Variants in PRKDC observed in about 807,000 individuals in gnomAD.
The protein encoded by PRKDC is DNA-dependent protein kinase catalytic subunit.
Under a neutral mutation model 486.9 loss-of-function variants are expected in PRKDC, and 82 were observed. The observed-to-expected ratio is 0.17, with a 90% CI of 0.14 to 0.20. PRKDC has a LOEUF of 0.20. PRKDC is among the 10% of genes least tolerant of loss of function. PRKDC has a pLI of 1.00. For synonymous variants in PRKDC, 1,895 were observed against 1,837.0 expected, an observed-to-expected ratio of 1.03 and a Z score of -0.81; for missense variants, 4,504 against 5,038.2, an observed-to-expected ratio of 0.89 and a Z score of 3.21.
chr8:47,812,864 G>T (rs1426127465), intron 68 of PRKDC, among the ~76,000 whole-genome samples: 1 of 151,782 alleles, frequency 6.6e-6, no homozygotes, highest in Non-Finnish European at 1.5e-5. Context: ...TTAAAAAAGA[G>T]AACACAAATA....
intron 25 of PRKDC, among the ~76,000 whole-genome samples, chr8:47,907,666 C>G (rs936899983): frequency 1.5e-4 from 22 of 151,192 alleles, no homozygotes; most frequent in African/African-American, 5.3e-4. Flanking sequence ...TCCCAAGTAG[C>G]TGGGATTACA....
intron 7 of PRKDC, 131 bp from the exon 8 acceptor site, chr8:47,944,160 C>G (rs1563816952): frequency 1.2e-6 from 1 of 800,470 alleles, no homozygotes; most frequent in South Asian, 1.7e-5. Flanking sequence ...TTTCATCATT[C>G]CATCCAGCTA....
chr8:47,876,812 A>G (rs1369405734), intron 40 of PRKDC, among the ~76,000 whole-genome samples: 1 of 152,222 alleles, frequency 6.6e-6, no homozygotes, highest in Non-Finnish European at 1.5e-5. Context: ...GAAGGAATAA[A>G]AGAATCAGAA....
chr8:47,795,374 A>G (rs2086962847), intron 73 of PRKDC, among the ~76,000 whole-genome samples: 1 of 143,760 alleles, frequency 7.0e-6, no homozygotes, highest in African/African-American at 2.6e-5. Flanking sequence ...TATTTTTAGT[A>G]GAGATGGGGT....
chr8:47,827,871 A>G (rs1428340126), intron 62 of PRKDC, among the ~76,000 whole-genome samples: 1 of 152,252 alleles, frequency 6.6e-6, no homozygotes, highest in Admixed American at 6.5e-5. Context: ...AATACTACAT[A>G]AGGAAAGACA....
chr8:47,912,311 C>T, intron 25 of PRKDC, 99 bp downstream of exon 25: 2 of 1,333,364 alleles, frequency 1.5e-6, no homozygotes, highest in South Asian at 2.0e-5. Flanking sequence ...AGTATCGTTC[C>T]TAACCATCTC....
At chr8:47,898,627 A>C in intron 28 of PRKDC, 58 bp from the exon 29 acceptor site, 1 of 1,061,996 alleles carries the variant, frequency 9.4e-7, no homozygotes, top group Non-Finnish European at 1.2e-6. Flanking sequence ...GATTATTATT[A>C]AATTTGTATT....
chr8:47,879,545 C>T lies in PRKDC; in HGVS notation c.5181G>A (p.Arg1727=). The T allele has an allele frequency of 2.5e-6, 4 of 1,597,694 alleles. No homozygotes were observed. Among genetic ancestry groups the T allele is most frequent in the Non-Finnish European group, 3.4e-6 (4 of 1,171,808 alleles). ...ACCGCGGAGTTCCTGGAGGAAATTC[C>T]CTGGACTGCATGGGGAAGTGAGCAA... The part of the protein sequence containing the change: ...LIVAHFPMQS[R]EFPPGTPRFN... The change falls in exon 39 of 86, where the codon AGG becomes AGA. Residue 1727 remains arginine (R), a synonymous_variant. Transcript: ENST00000314191.
intron 45 of PRKDC, 63 bp from the exon 46 acceptor site, chr8:47,859,822 T>TTA: frequency 7.0e-7 from 1 of 1,438,368 alleles, no homozygotes; most frequent in Non-Finnish European, 9.5e-7. Context: ...AATGTATTTC[T>TTA]CTAAATTCAA....
chr8:47,941,727 T>C (rs1021322665), intron 10 of PRKDC, among the ~76,000 whole-genome samples: 2 of 152,204 alleles, frequency 1.3e-5, no homozygotes, highest in African/African-American at 4.8e-5. Context: ...ACTCCCAAAC[T>C]TGCAACAGGC....
intron 30 of PRKDC, among the ~76,000 whole-genome samples, chr8:47,893,725 T>C (rs981628583): frequency 2.0e-5 from 3 of 152,188 alleles, no homozygotes; most frequent in Non-Finnish European, 4.4e-5. Context: ...GTTACAAAAA[T>C]TAGCTGAATT....
chr8:47,874,811 T>C (rs1473202410), intron 40 of PRKDC, among the ~76,000 whole-genome samples: 1 of 152,046 alleles, frequency 6.6e-6, no homozygotes, highest in Non-Finnish European at 1.5e-5. Flanking sequence ...TCCCAGCACT[T>C]TGGAAGGCCG....
intron 65 of PRKDC, 22 bp from the exon 66 acceptor site, chr8:47,820,965 T>A (rs375951424): frequency 1.7e-4 from 247 of 1,471,710 alleles, no homozygotes; most frequent in Non-Finnish European, 2.2e-4. Context: ...AAAAATATAC[T>A]TGTAACTACA....
intron 60 of PRKDC, among the ~76,000 whole-genome samples, chr8:47,831,431 G>A (rs1312296177): frequency 6.6e-6 from 1 of 152,228 alleles, no homozygotes; most frequent in Non-Finnish European, 1.5e-5. Flanking sequence ...CACGCCACGG[G>A]AAGGCCCTCC....
chr8:47,857,054 C>G (rs1389776092), intron 49 of PRKDC, 102 bp downstream of exon 49: 21 of 1,287,706 alleles, frequency 1.6e-5, no homozygotes, highest in Non-Finnish European at 2.2e-5. Context: ...ATGCTGAAAA[C>G]CATAGCACAG....
intron 85 of PRKDC, among the ~76,000 whole-genome samples, chr8:47,775,134 T>C (rs2086582697): frequency 6.6e-6 from 1 of 151,274 alleles, no homozygotes; most frequent in Admixed American, 6.6e-5. Context: ...TTGCAGTGAG[T>C]CCATATCGTG....
At chr8:47,947,778 C>T (rs977395595) in intron 7 of PRKDC, among the ~76,000 whole-genome samples, 11 of 152,018 alleles carry the variant, frequency 7.2e-5, no homozygotes, top group Non-Finnish European at 1.0e-4. Context: ...CATGGCATTG[C>T]GCACCTATAA....
chr8:47,777,198 G>A (rs1166740478), intron 84 of PRKDC, among the ~76,000 whole-genome samples: 1 of 151,808 alleles, frequency 6.6e-6, no homozygotes, highest in Non-Finnish European at 1.5e-5. Context: ...TCCAAATAAA[G>A]GTTTTGCCTG....
At chr8:47,809,211 T>G (rs1312460665) in intron 68 of PRKDC, among the ~76,000 whole-genome samples, 1 of 152,004 alleles carries the variant, frequency 6.6e-6, no homozygotes, top group Non-Finnish European at 1.5e-5. Context: ...TTTTTCCTTT[T>G]TCCTCTTTTT....
Sources: gnomAD v4.1 joint callset for allele counts (sites outside exome capture counted in the v4.1 genomes callset) on GRCh38, gnomAD v4.1.1 for gene constraint, MANE v1.5 for transcripts, NCBI Gene and HGNC (gene_info 2026-07-23, HGNC 2026-07-21) for gene names.